ZRSR2: variants seen among roughly 807,000 people sequenced by gnomAD.
The protein encoded by ZRSR2 is U2 small nuclear ribonucleoprotein auxiliary factor 35 kDa subunit-related protein 2.
ZRSR2 carries 3 observed loss-of-function variants against 39.4 expected under a neutral mutation model. The ratio of observed to expected loss-of-function variants is 0.08; its 90% CI spans 0.03 to 0.20. The LOEUF is 0.20. Ranked by LOEUF, ZRSR2 falls within the 10% of genes least tolerant of loss-of-function variation. The pLI is 1.00. For synonymous variants in ZRSR2, 137 were observed against 136.0 expected (o/e 1.01, Z -0.05); for missense variants, 256 against 391.5 (o/e 0.65, Z 2.92).
Position 15,808,291 on chromosome X carries a change from T to G in ZRSR2, c.438+20T>G. 2 of 1,168,947 alleles carry G rather than the reference T, an allele frequency of 1.7e-6. No individual in the cohort carries two copies. On this transcript the variant is annotated intron_variant, in intron 6 of 10. Transcript: ENST00000307771. ...AATGAGGTATTTTTAAAACCTTACA[T>G]TGATAATTTGAGACCAATTAATGTT...
intron 7 of ZRSR2, among the ~76,000 whole-genome samples, chrX:15,813,445 CT>C (rs1932914687): frequency 8.9e-6 from 1 of 112,209 alleles, no homozygotes. Context: ...GGAACCACAG[CT>C]TTAGACTGCC....
intron 10 of ZRSR2, 48 bp downstream of exon 10, chrX:15,820,364 A>T (rs1176752235): frequency 4.6e-6 from 5 of 1,088,535 alleles, no homozygotes; most frequent in Non-Finnish European, 5.1e-6. Flanking sequence ...CCACTGCTAT[A>T]TAAAGGGATA....
chrX:15,800,526 TAAC>T (rs1264565463), intron 3 of ZRSR2, among the ~76,000 whole-genome samples: 1 of 111,648 alleles, frequency 9.0e-6, no homozygotes, highest in African/African-American at 3.3e-5. Flanking sequence ...CAAAAAAAAT[TAAC>T]AAATGTAAAA....
At chrX:15,818,017 AAAT>A (rs1470596786) in intron 8 of ZRSR2, among the ~76,000 whole-genome samples, 6 of 112,663 alleles carry the variant, frequency 5.3e-5, no homozygotes, top group Non-Finnish European at 1.1e-4. Context: ...TACCCATTAT[AAAT>A]AATGGACATT....
intron 9 of ZRSR2, among the ~76,000 whole-genome samples, chrX:15,819,413 A>C (rs181630752): frequency 3.7e-4 from 41 of 109,846 alleles, no homozygotes; most frequent in Admixed American, 3.6e-3. Context: ...TCATCTCTAC[A>C]AAAAAATTTA....
At chrX:15,812,464 G>T (rs142949005) in intron 7 of ZRSR2, among the ~76,000 whole-genome samples, 2 of 111,854 alleles carry the variant, frequency 1.8e-5, no homozygotes, top group African/African-American at 6.5e-5. Context: ...CTGTTCTGTC[G>T]TTAAGTTTTG....
At chrX:15,791,099 A>C in intron 2 of ZRSR2, 86 bp downstream of exon 2, 1 of 858,015 alleles carries the variant, frequency 1.2e-6, no homozygotes, top group Non-Finnish European at 1.7e-6. Context: ...GTCAGAAGGA[A>C]GTCAAATATT....
At chrX:15,808,624 C>CTT (rs776535835) in intron 6 of ZRSR2, among the ~76,000 whole-genome samples, 3 of 94,924 alleles carry the variant, frequency 3.2e-5, no homozygotes, top group Non-Finnish European at 4.2e-5. Context: ...CTCTTTTTTT[C>CTT]TTTTTTTTTT....
At chrX:15,809,558 A>G (rs1481774132) in intron 7 of ZRSR2, among the ~76,000 whole-genome samples, 2 of 112,626 alleles carry the variant, frequency 1.8e-5, no homozygotes, top group African/African-American at 6.4e-5. Flanking sequence ...CTTCCTTTGC[A>G]TTCTGCATCT....
intron 3 of ZRSR2, chrX:15,801,395 A>AT (rs771713430): frequency 3.0e-4 from 89 of 295,043 alleles, no homozygotes; most frequent in Middle Eastern, 9.9e-4. Flanking sequence ...CACCCAGTTA[A>AT]TTTTTTTTTG....
rs144301069 is a variant in ZRSR2, at chrX:15,814,251, A to G, written c.558-1426A>G. On this transcript the variant is annotated intron_variant, in intron 7 of 10. Transcript: ENST00000307771. ...AGGATTTTTGAAATATTACTCAGGT[A>G]CAGCCTGGTCAGCTTAGCCTTGGTC... Among the ~76,000 whole-genome samples, 42 of 111,858 alleles carry G rather than the reference A, an allele frequency of 3.8e-4. No homozygotes were observed. In the East Asian group the frequency reaches 0.011, roughly 30 times the overall value.
At chrX:15,817,123 C>T (rs1315272398) in intron 8 of ZRSR2, among the ~76,000 whole-genome samples, 1 of 111,992 alleles carries the variant, frequency 8.9e-6, no homozygotes, top group Non-Finnish European at 1.9e-5. Flanking sequence ...GATTATACTG[C>T]TTCTGTGAAG....
In ZRSR2 at chrX:15,809,149, G is replaced by A. The variant is rs779398448; in HGVS notation, c.439-51G>A. On this transcript the variant is annotated intron_variant, in intron 6 of 10. Transcript: ENST00000307771. ...ATTTTAATATACTTTGAAACATTTC[G>A]TCTTTCATGGGTTTTTACTCCACCA... is the stretch of plus-strand genomic sequence containing the variant. 9.6e-5 allele frequency: 82 copies of A among 852,326 alleles called. 1 individual carries two copies. In the South Asian group the frequency reaches 1.6e-3, roughly 17 times the overall value. The allele number at this position is 852,326 out of a possible 1,213,427, so 70.2% of individuals were successfully genotyped here.
Position 15,790,927 on chromosome X carries a change from C to G in ZRSR2, c.42-7C>G. ...CTGATCGTCGTGTATATGTCTTAAT[C>G]TTCCAGCCACAAAAAGTACAGGGCC... is the stretch of plus-strand genomic sequence containing the variant. On this transcript the variant is annotated splice_polypyrimidine_tract_variant and splice_region_variant and intron_variant, in intron 1 of 10. Transcript: ENST00000307771. 1 of 1,209,258 alleles carries G rather than the reference C, an allele frequency of 8.3e-7. No homozygotes were observed. Among genetic ancestry groups the G allele is most frequent in the Non-Finnish European group, 1.1e-6 (1 of 893,433 alleles).
intron 7 of ZRSR2, among the ~76,000 whole-genome samples, chrX:15,813,723 T>C (rs773526302): frequency 8.9e-6 from 1 of 112,337 alleles, no homozygotes; most frequent in East Asian, 2.8e-4. Flanking sequence ...TTCATACTTA[T>C]AACATTTTGA....
intron 1 of ZRSR2, 95 bp downstream of exon 1, chrX:15,790,631 A>G (rs1392626125): frequency 1.9e-6 from 2 of 1,067,483 alleles, no homozygotes; most frequent in African/African-American, 3.8e-5. Flanking sequence ...GGCCAAGCTA[A>G]GTGAGCCACC....
intron 2 of ZRSR2, among the ~76,000 whole-genome samples, chrX:15,793,334 G>C (rs1351389834): frequency 9.1e-6 from 1 of 109,841 alleles, no homozygotes; most frequent in Non-Finnish European, 1.9e-5. Context: ...ATGAGCCTCT[G>C]TGGAGAGTCA....
intron 9 of ZRSR2, among the ~76,000 whole-genome samples, chrX:15,819,127 AT>A (rs1933041588): frequency 9.0e-6 from 1 of 111,619 alleles, no homozygotes; most frequent in Non-Finnish European, 1.9e-5. Flanking sequence ...ATAAATCTAA[AT>A]ATTTAAAACT....
chrX:15,818,153 G>T (rs111643654), intron 8 of ZRSR2, among the ~76,000 whole-genome samples: 1,771 of 112,171 alleles, frequency 0.016, 19 homozygotes, highest in Middle Eastern at 0.028. Context: ...TTTGTGTTTG[G>T]AATGTGAAGG....
Sources: gnomAD v4.1 joint callset for allele counts (sites outside exome capture counted in the v4.1 genomes callset) on GRCh38, gnomAD v4.1.1 for gene constraint, MANE v1.5 for transcripts, NCBI Gene and HGNC (gene_info 2026-07-23, HGNC 2026-07-21) for gene names.